PTPN14: variants seen among roughly 807,000 people sequenced by gnomAD.
PTPN14 encodes the protein protein tyrosine phosphatase non-receptor type 14.
Under a neutral mutation model 126.8 loss-of-function variants are expected in PTPN14, and 53 were observed. The observed-to-expected ratio is 0.42, with a 90% CI of 0.34 to 0.53. The LOEUF (loss-of-function observed/expected upper bound fraction) is 0.53. PTPN14 is among the 20% of genes least tolerant of loss of function. The pLI is 0.08. For missense variants in PTPN14, 1,257 were observed against 1,552.9 expected, an observed-to-expected ratio of 0.81 and a Z score of 3.20; for synonymous variants, 630 against 599.3, an observed-to-expected ratio of 1.05 and a Z score of -0.75.
intron 1 of PTPN14, among the ~76,000 whole-genome samples, chr1:214,504,426 G>A (rs1001682769): frequency 1.3e-5 from 2 of 152,112 alleles, no homozygotes; most frequent in Non-Finnish European, 2.9e-5. Context: ...GCAAAGCCCT[G>A]GAAGCCTGTG....
At chr1:214,486,833 C>G (rs1485366305) in intron 1 of PTPN14, among the ~76,000 whole-genome samples, 1 of 152,130 alleles carries the variant, frequency 6.6e-6, no homozygotes, top group Non-Finnish European at 1.5e-5. Flanking sequence ...AAAAATAAAT[C>G]AAAACATGCC....
Position 214,482,729 on chromosome 1 carries a change from T to C in PTPN14, c.-154-17772A>G, listed in dbSNP as rs1223212388. On this transcript the variant is annotated intron_variant, in intron 1 of 18. Transcript: ENST00000366956. Reference sequence around the variant, plus strand: ...CAAAAGTTAAGACTCTCCTCCTCTATTTTTGGTAAACAACTGCATGGTAAA... The same window carrying C: ...CAAAAGTTAAGACTCTCCTCCTCTACTTTTGGTAAACAACTGCATGGTAAA... 2.8e-6 allele frequency: 4 copies of C among 1,434,690 alleles called. No individual in the cohort carries two copies. In the African/African-American group the frequency reaches 5.7e-5, roughly 21 times the overall value. The allele number at this position is 1,434,690 out of a possible 1,614,324, so 88.9% of individuals were successfully genotyped here. A position where few individuals can be genotyped will look rare whatever the true frequency, so the allele number is the denominator to read the frequency against.
chr1:214,442,086 T>A (rs1660047198), intron 3 of PTPN14, among the ~76,000 whole-genome samples: 1 of 152,240 alleles, frequency 6.6e-6, no homozygotes. Flanking sequence ...TGTTTGCTTT[T>A]GAGAAAAGTT....
chr1:214,527,900 G>A (rs1655441188), intron 1 of PTPN14, among the ~76,000 whole-genome samples: 1 of 152,184 alleles, frequency 6.6e-6, no homozygotes, highest in African/African-American at 2.4e-5. Context: ...TACACAGAAA[G>A]AAGAATGGTT....
intron 16 of PTPN14, among the ~76,000 whole-genome samples, chr1:214,370,964 G>A (rs547568030): frequency 6.6e-6 from 1 of 152,284 alleles, no homozygotes. Flanking sequence ...GCTTCATTTG[G>A]TTTAATTGAG....
chr1:214,543,419 ATT>A (rs1451434976), intron 1 of PTPN14, among the ~76,000 whole-genome samples: 1 of 152,204 alleles, frequency 6.6e-6, no homozygotes, highest in African/African-American at 2.4e-5. Flanking sequence ...TAAAAATGGA[ATT>A]TGTCTCCTCA....
chr1:214,439,606 G>C (rs538067313), intron 3 of PTPN14, among the ~76,000 whole-genome samples: 2 of 152,196 alleles, frequency 1.3e-5, no homozygotes, highest in Non-Finnish European at 2.9e-5. Flanking sequence ...CTGACCTTGA[G>C]AGTTAGGAGG....
At chr1:214,548,774 G>A (rs1394606086) in intron 1 of PTPN14, among the ~76,000 whole-genome samples, 1 of 152,148 alleles carries the variant, frequency 6.6e-6, no homozygotes, top group African/African-American at 2.4e-5. Flanking sequence ...TAGCCCATCC[G>A]TTCAGGGCAA....
At chr1:214,528,062 A>G (rs1051701594) in intron 1 of PTPN14, among the ~76,000 whole-genome samples, 13 of 152,368 alleles carry the variant, frequency 8.5e-5, no homozygotes, top group African/African-American at 2.9e-4. Context: ...ATCTTAATAA[A>G]TATTTAATAT....
intron 11 of PTPN14, among the ~76,000 whole-genome samples, chr1:214,389,079 T>C (rs551305043): frequency 1.3e-5 from 2 of 152,350 alleles, no homozygotes; most frequent in South Asian, 4.1e-4. Flanking sequence ...AAAAATATTT[T>C]TCCTTTTCTT....
intron 2 of PTPN14, among the ~76,000 whole-genome samples, chr1:214,455,868 A>G (rs1392300598): frequency 6.6e-6 from 1 of 151,518 alleles, no homozygotes; most frequent in Non-Finnish European, 1.5e-5. Context: ...AAGATTCTAG[A>G]GAATAAGGGC....
intron 3 of PTPN14, among the ~76,000 whole-genome samples, chr1:214,444,860 A>T (rs1660108867): frequency 6.6e-6 from 1 of 151,892 alleles, no homozygotes; most frequent in African/African-American, 2.4e-5. Context: ...GAAAAAGGGG[A>T]CCCCCATCAT....
intron 8 of PTPN14, among the ~76,000 whole-genome samples, chr1:214,397,006 C>T (rs1658894567): frequency 6.6e-6 from 1 of 152,160 alleles, no homozygotes; most frequent in South Asian, 2.1e-4. Flanking sequence ...CTTGTCACTC[C>T]TGCTTCAATA....
chr1:214,401,779 T>G lies in PTPN14; in HGVS notation c.582-7A>C, dbSNP rs17022807. The G allele has an allele frequency of 6.4e-7, 1 of 1,556,706 alleles. No individual in the cohort carries two copies. Among genetic ancestry groups the G allele is most frequent in the Admixed American group, 1.7e-5 (1 of 58,396 alleles). ...TTCTGCTGGCAGGATTCCACTAAAA[T>G]CAAAATAGCATCAAAGGAAGAAATG... On this transcript the variant is annotated splice_polypyrimidine_tract_variant and splice_region_variant and intron_variant, in intron 6 of 18. Transcript: ENST00000366956.
intron 1 of PTPN14, among the ~76,000 whole-genome samples, chr1:214,520,883 T>C (rs1469697405): frequency 6.6e-6 from 1 of 152,122 alleles, no homozygotes; most frequent in East Asian, 1.9e-4. Flanking sequence ...AAGCATTCTT[T>C]TCTACCCACC....
At position 214,348,968 on chromosome 1, in the gene PTPN14, T is replaced by C. The variant is rs554983040; in HGVS notation, c.*8954A>G. On this transcript the variant is annotated 3_prime_UTR_variant, in exon 19 of 19. Coordinates refer to ENST00000366956, the MANE Select transcript of PTPN14 (RefSeq NM_005401.5). ...GCAAGCATAAGCTTATTTACTGATA[T>C]AAAATAGCACATAGAATAGCATGCA... 6.6e-6 allele frequency: 1 copy of C among 152,238 alleles called. No individual in the cohort carries two copies. Among genetic ancestry groups the C allele is most frequent in the Non-Finnish European group, 1.5e-5 (1 of 68,040 alleles). The allele number at this position is 152,238 out of a possible 1,614,324, so 9.4% of individuals were successfully genotyped here.
intron 1 of PTPN14, among the ~76,000 whole-genome samples, 155 bp downstream of exon 1, chr1:214,551,028 C>T (rs1377080904): frequency 6.6e-6 from 1 of 152,232 alleles, no homozygotes; most frequent in Admixed American, 6.5e-5. Context: ...CCCTGCGGCC[C>T]GGCCACCCCG....
intron 15 of PTPN14, 86 bp downstream of exon 15, chr1:214,376,133 T>TA: frequency 1.6e-6 from 2 of 1,274,712 alleles, no homozygotes. Context: ...AAGGTACAAC[T>TA]GCAGCCCACA....
At chr1:214,389,604 T>A (rs1422841521) in intron 11 of PTPN14, among the ~76,000 whole-genome samples, 1 of 152,214 alleles carries the variant, frequency 6.6e-6, no homozygotes, top group East Asian at 1.9e-4. Flanking sequence ...GGGGAAGCCA[T>A]GAATTGGATC....
Sources: allele counts gnomAD v4.1 joint callset (sites outside exome capture counted in the v4.1 genomes callset), GRCh38; gene constraint gnomAD v4.1.1; transcripts MANE v1.5; gene names NCBI Gene and HGNC (gene_info 2026-07-23, HGNC 2026-07-21).